HPD: variants seen among roughly 807,000 people sequenced by gnomAD.
The protein encoded by HPD is 4-hydroxyphenylpyruvate dioxygenase, also known as 4-hydroxyphenylpyruvic acid oxidase.
A neutral mutation model predicts 56.9 loss-of-function variants in HPD; 35 were observed. The observed-to-expected ratio is 0.62, with a 90% CI of 0.47 to 0.82. The LOEUF (loss-of-function observed/expected upper bound fraction) is 0.82, where lower values mean the gene tolerates loss of function less well. Among genes scored for constraint, HPD ranks in the 40% least tolerant of loss-of-function variants. The pLI, the probability that HPD is intolerant of heterozygous loss-of-function variation, is 0.00. For missense variants in HPD, 442 were observed against 506.8 expected, an observed-to-expected ratio of 0.87 and a Z score of 1.23; for synonymous variants, 186 against 200.2, an observed-to-expected ratio of 0.93 and a Z score of 0.60.
At chr12:121,867,264 A>G (rs758349280), upstream of HPD, among the ~76,000 whole-genome samples, 5 of 151,590 alleles carry the variant, frequency 3.3e-5, no homozygotes, top group Admixed American at 6.6e-5. Flanking sequence ...ACGCATGAGA[A>G]TCGCTGGAAC....
At chr12:121,859,036 G>A (rs1353262971), upstream of HPD, 1 of 614,036 alleles carries the variant, frequency 1.6e-6, no homozygotes, top group African/African-American at 1.8e-5. Context: ...CCCAGAGAGG[G>A]GCAGTGACGT....
chr12:121,842,124 C>T (rs1877427857), intron 12 of HPD, among the ~76,000 whole-genome samples: 1 of 151,858 alleles, frequency 6.6e-6, no homozygotes, highest in Non-Finnish European at 1.5e-5. Context: ...CTCAAGGTTT[C>T]TTTTTGGGGT....
chr12:121,839,897 C>T (rs1877349721), intron 13 of HPD, 35 bp downstream of exon 13: 3 of 1,605,652 alleles, frequency 1.9e-6, no homozygotes, highest in Non-Finnish European at 2.6e-6. Flanking sequence ...GTGCTAGCTG[C>T]CTGTCCCCTC....
At chr12:121,841,456 A>G (rs1305889878) in intron 12 of HPD, among the ~76,000 whole-genome samples, 2 of 152,242 alleles carry the variant, frequency 1.3e-5, no homozygotes, top group African/African-American at 2.4e-5. Flanking sequence ...ACGTCCACAC[A>G]GAGCCTTGTA....
At chr12:121,860,236 C>T (rs1878139262), upstream of HPD, among the ~76,000 whole-genome samples, 1 of 152,070 alleles carries the variant, frequency 6.6e-6, no homozygotes, top group African/African-American at 2.4e-5. Flanking sequence ...CAGAAGGTTC[C>T]CATGGAGGAG....
At chr12:121,855,034 T>C (rs2137628484) in intron 6 of HPD, among the ~76,000 whole-genome samples, 1 of 152,224 alleles carries the variant, frequency 6.6e-6, no homozygotes, top group East Asian at 1.9e-4. Flanking sequence ...TAGGGATGGG[T>C]GTCTGTCCTG....
At chr12:121,868,044 C>T (rs1307482749), upstream of HPD, among the ~76,000 whole-genome samples, 2 of 152,240 alleles carry the variant, frequency 1.3e-5, no homozygotes, top group South Asian at 2.1e-4. Context: ...TGCTCATTGG[C>T]CAGGCACAGT....
intron 12 of HPD, among the ~76,000 whole-genome samples, chr12:121,840,724 C>T (rs2137606991): frequency 6.6e-6 from 1 of 151,926 alleles, no homozygotes; most frequent in South Asian, 2.1e-4. Flanking sequence ...AACAGTCTGG[C>T]AGCTTCTCAA....
At chr12:121,845,323 G>A (rs949102612) in intron 11 of HPD, among the ~76,000 whole-genome samples, 8 of 149,176 alleles carry the variant, frequency 5.4e-5, no homozygotes, top group Non-Finnish European at 1.0e-4. Flanking sequence ...ATGGCCGGGC[G>A]CAGTGGCTCA....
upstream of HPD, among the ~76,000 whole-genome samples, chr12:121,863,803 A>G (rs971963985): frequency 6.6e-6 from 1 of 151,978 alleles, no homozygotes; most frequent in Non-Finnish European, 1.5e-5. Context: ...AAAAGAAAGA[A>G]AAGGGTGGAG....
the HPD span, among the ~76,000 whole-genome samples, chr12:121,877,338 A>G: frequency 3.9e-5 from 6 of 152,208 alleles, no homozygotes; most frequent in East Asian, 9.7e-4. Context: ...GGTGTGCCTT[A>G]CTGCCTCTAG....
upstream of HPD, among the ~76,000 whole-genome samples, chr12:121,865,423 C>A (rs1460872649): frequency 6.6e-6 from 1 of 151,112 alleles, no homozygotes; most frequent in Non-Finnish European, 1.5e-5. Context: ...GTGCCCGCCA[C>A]CACACCCGGC....
At chr12:121,852,990 C>T (rs1877861442) in intron 7 of HPD, among the ~76,000 whole-genome samples, 1 of 152,120 alleles carries the variant, frequency 6.6e-6, no homozygotes, top group Non-Finnish European at 1.5e-5. Context: ...CTGAGGCTTG[C>T]AGCCATAAAA....
the HPD span, among the ~76,000 whole-genome samples, chr12:121,878,278 C>T: frequency 6.6e-6 from 1 of 152,156 alleles, no homozygotes; most frequent in Non-Finnish European, 1.5e-5. Flanking sequence ...TGGAGAAGTG[C>T]ATAAGTGTAT....
intron 11 of HPD, among the ~76,000 whole-genome samples, chr12:121,844,840 C>T (rs1846361251): frequency 6.6e-6 from 1 of 151,584 alleles, no homozygotes; most frequent in Non-Finnish European, 1.5e-5. Context: ...GAGATCGCGT[C>T]ACTGCAATCT....
the HPD span, among the ~76,000 whole-genome samples, chr12:121,884,323 C>T: frequency 1.3e-5 from 2 of 151,946 alleles, no homozygotes; most frequent in Non-Finnish European, 2.9e-5. Context: ...CCGCTGTGCC[C>T]GGCTGATTTT....
intron 11 of HPD, 38 bp downstream of exon 11, chr12:121,846,824 A>G (rs1344507313): frequency 1.2e-6 from 2 of 1,600,254 alleles, no homozygotes; most frequent in Admixed American, 1.7e-5. Flanking sequence ...CCTGGCTCTG[A>G]ATGAGAGAGG....
At chr12:121,847,516 A>G (rs1877627093) in intron 9 of HPD, among the ~76,000 whole-genome samples, 1 of 151,496 alleles carries the variant, frequency 6.6e-6, no homozygotes. Flanking sequence ...GTGCTACCAC[A>G]CCTGGATAAT....
chr12:121,872,536 T>C, the HPD span, among the ~76,000 whole-genome samples: 1 of 151,836 alleles, frequency 6.6e-6, no homozygotes, highest in Admixed American at 6.6e-5. Context: ...TGGCCTAAAA[T>C]TTCTTGTCTC....
Sources: allele counts gnomAD v4.1 joint callset (sites outside exome capture counted in the v4.1 genomes callset), GRCh38; gene constraint gnomAD v4.1.1; transcripts MANE v1.5; gene names NCBI Gene and HGNC (gene_info 2026-07-23, HGNC 2026-07-21).